COL21A1: variants seen among roughly 807,000 people sequenced by gnomAD.
COL21A1 encodes collagen type XXI alpha 1 chain.
Under a neutral mutation model 137.9 loss-of-function variants are expected in COL21A1, and 149 were observed. That is an observed-to-expected ratio of 1.08 (90% CI 0.95 to 1.24). The LOEUF is 1.24. Among genes scored for constraint, COL21A1 ranks in the 50% most tolerant of loss-of-function variants. The probability of loss-of-function intolerance (pLI) is 0.00; values close to 1 mark genes in which losing one functional copy is unlikely to be tolerated. For missense variants in COL21A1, 1,167 were observed against 1,158.4 expected, an observed-to-expected ratio of 1.01 and a Z score of -0.11; for synonymous variants, 456 against 391.5, an observed-to-expected ratio of 1.16 and a Z score of -1.95.
intron 1 of COL21A1, among the ~76,000 whole-genome samples, chr6:56,327,148 A>C (rs1765114384): frequency 9.8e-5 from 1 of 10,164 alleles, no homozygotes; most frequent in South Asian, 9.8e-3. Context: ...ATATTGTCAA[A>C]TGCTCTAAAA....
intron 16 of COL21A1, among the ~76,000 whole-genome samples, chr6:56,104,024 T>C (rs1770670287): frequency 6.6e-6 from 1 of 152,204 alleles, no homozygotes; most frequent in African/African-American, 2.4e-5. Flanking sequence ...TAGTATAACA[T>C]TATATAGCTT....
intron 17 of COL21A1, among the ~76,000 whole-genome samples, chr6:56,084,967 T>A (rs542021796): frequency 2.4e-4 from 37 of 152,184 alleles, no homozygotes; most frequent in African/African-American, 8.9e-4. Context: ...TATTGCTAAG[T>A]ACACTGTGTT....
intron 17 of COL21A1, chr6:56,091,609 AG>A (rs1768826220): frequency 1.3e-5 from 2 of 152,622 alleles, no homozygotes; most frequent in South Asian, 4.1e-4. Context: ...GTGAGCCATA[AG>A]GCTCCCTGTA....
chr6:56,085,629 CT>C (rs1477264505), intron 17 of COL21A1, among the ~76,000 whole-genome samples: 4 of 151,978 alleles, frequency 2.6e-5, no homozygotes, highest in African/African-American at 9.7e-5. Flanking sequence ...TCATATTCCT[CT>C]TTTTGATCTA....
At chr6:56,133,873 T>C (rs1221062235) in intron 12 of COL21A1, among the ~76,000 whole-genome samples, 6 of 152,034 alleles carry the variant, frequency 3.9e-5, no homozygotes, top group Admixed American at 2.6e-4. Context: ...AGAACTGAGG[T>C]TTGGGAACCT....
At chr6:56,065,495 A>G (rs1456007550) in intron 23 of COL21A1, among the ~76,000 whole-genome samples, 1 of 152,038 alleles carries the variant, frequency 6.6e-6, no homozygotes, top group East Asian at 1.9e-4. Context: ...ACTGCTGATA[A>G]GTCTACAATG....
intron 21 of COL21A1, among the ~76,000 whole-genome samples, chr6:56,070,296 AG>A (rs1244140569): frequency 6.6e-6 from 1 of 151,534 alleles, no homozygotes; most frequent in Non-Finnish European, 1.5e-5. Context: ...GAAGGTTGGA[AG>A]TGTATTAAAA....
chr6:56,182,706 T>C, intron 1 of COL21A1, 50 bp from the exon 2 acceptor site: 1 of 765,366 alleles, frequency 1.3e-6, no homozygotes, highest in Non-Finnish European at 2.2e-6. Context: ...AGTCAACATC[T>C]AGCCATTATA....
intron 1 of COL21A1, among the ~76,000 whole-genome samples, chr6:56,337,687 G>T (rs1192869121): frequency 6.6e-6 from 1 of 152,208 alleles, no homozygotes; most frequent in Non-Finnish European, 1.5e-5. Context: ...ATGTGTAACT[G>T]TGTCTAAACT....
At chr6:56,090,016 C>T (rs1224381365) in intron 17 of COL21A1, among the ~76,000 whole-genome samples, 3 of 152,076 alleles carry the variant, frequency 2.0e-5, no homozygotes, top group Non-Finnish European at 4.4e-5. Flanking sequence ...CTGAGGAGGG[C>T]GGATCATGAT....
intron 17 of COL21A1, among the ~76,000 whole-genome samples, chr6:56,093,020 T>C: frequency 6.6e-6 from 1 of 152,160 alleles, no homozygotes; most frequent in East Asian, 1.9e-4. Context: ...TCCTCTTCCC[T>C]ATGTGAAATT....
chr6:56,334,437 A>C (rs2152344099), intron 1 of COL21A1, among the ~76,000 whole-genome samples: 1 of 152,250 alleles, frequency 6.6e-6, no homozygotes, highest in African/African-American at 2.4e-5. Flanking sequence ...AAACACAACA[A>C]TTTTGAGTTA....
chr6:56,393,334 A>T (rs1025905827), intron 1 of COL21A1, among the ~76,000 whole-genome samples: 1 of 152,228 alleles, frequency 6.6e-6, no homozygotes, highest in African/African-American at 2.4e-5. Flanking sequence ...CTTTCGATGT[A>T]CAAAAATCAA....
intron 1 of COL21A1, among the ~76,000 whole-genome samples, chr6:56,254,672 T>C (rs892256580): frequency 6.6e-6 from 1 of 152,210 alleles, no homozygotes; most frequent in Non-Finnish European, 1.5e-5. Flanking sequence ...ATATTGAAGT[T>C]ATTTGGTGTG....
chr6:56,246,865 C>T (rs902407216), intron 1 of COL21A1, among the ~76,000 whole-genome samples: 1 of 117,944 alleles, frequency 8.5e-6, no homozygotes, highest in Non-Finnish European at 1.8e-5. Context: ...TATGTTAATG[C>T]TCAAAGTCCC....
chr6:56,306,609 G>T lies in COL21A1; in HGVS notation c.-39+87362C>A, dbSNP rs1369806937. 3.3e-5 allele frequency among the ~76,000 whole-genome samples: 5 copies of T among 152,056 alleles called. 1 individual carries two copies. Among genetic ancestry groups the T allele is most frequent in the Admixed American group, 2.6e-4 (4 of 15,264 alleles). On this transcript the variant is annotated intron_variant, in intron 1 of 28. Transcript: ENST00000370819. ...GGTCTTTTAAGGACTTTTCTGCATTGATTATTCTAGTTAGCCATTTATCTA... is the reference window on the plus strand; with the variant it reads ...GGTCTTTTAAGGACTTTTCTGCATTTATTATTCTAGTTAGCCATTTATCTA...
At chr6:56,344,056 A>C (rs1351974790) in intron 1 of COL21A1, among the ~76,000 whole-genome samples, 1 of 152,180 alleles carries the variant, frequency 6.6e-6, no homozygotes, top group African/African-American at 2.4e-5. Context: ...CAAAATTCAA[A>C]TTTGCCTTCA....
At chr6:56,312,429 G>A (rs967614156) in intron 1 of COL21A1, among the ~76,000 whole-genome samples, 16 of 152,218 alleles carry the variant, frequency 1.1e-4, no homozygotes, top group Admixed American at 5.2e-4. Flanking sequence ...TCAGGCACAT[G>A]TGACTGGGAA....
chr6:56,354,690 T>C (rs929131121), intron 1 of COL21A1, among the ~76,000 whole-genome samples: 4 of 152,172 alleles, frequency 2.6e-5, no homozygotes, highest in African/African-American at 9.7e-5. Context: ...GAGACCAGCC[T>C]GGGCAACATG....
Sources: allele counts gnomAD v4.1 joint callset (sites outside exome capture counted in the v4.1 genomes callset), GRCh38; gene constraint gnomAD v4.1.1; transcripts MANE v1.5; gene names NCBI Gene and HGNC (gene_info 2026-07-23, HGNC 2026-07-21).